ALMS1: variants seen among roughly 807,000 people sequenced by gnomAD.
ALMS1 encodes centrosome-associated protein ALMS1.
A neutral mutation model predicts 352.2 loss-of-function variants in ALMS1; 271 were observed. That is an observed-to-expected ratio of 0.77 (90% CI 0.70 to 0.85). The LOEUF (loss-of-function observed/expected upper bound fraction) is 0.85, where lower values mean the gene tolerates loss of function less well. Ranked by LOEUF, ALMS1 falls within the 40% of genes least tolerant of loss-of-function variation. The probability of loss-of-function intolerance (pLI) is 0.00; values close to 1 mark genes in which losing one functional copy is unlikely to be tolerated. For missense variants in ALMS1, 5,445 were observed against 4,870.7 expected (o/e 1.12, Z -3.51); for synonymous variants, 1,865 against 1,761.2 (o/e 1.06, Z -1.48).
chr2:73,423,152 G>A (rs1360405314), intron 4 of ALMS1, among the ~76,000 whole-genome samples, 178 bp downstream of exon 4: 4 of 152,272 alleles, frequency 2.6e-5, no homozygotes, highest in South Asian at 2.1e-4. Flanking sequence ...GCAGAGTAAC[G>A]TATGTGTAGA....
chr2:73,386,593 T>G (rs2104062404), intron 1 of ALMS1, among the ~76,000 whole-genome samples: 1 of 152,152 alleles, frequency 6.6e-6, no homozygotes, highest in African/African-American at 2.4e-5. Context: ...TTGACTGAAT[T>G]GCAGGACTCC....
At position 73,491,014 on chromosome 2, in the gene ALMS1, G is replaced by A. The variant is rs773897748; in HGVS notation, c.9055G>A (p.Val3019Met). 2.5e-6 allele frequency: 4 copies of A among 1,614,088 alleles called. No individual in the cohort carries two copies. The African/African-American group carries it at 5.3e-5, about 22-fold the overall frequency. ...AAATGTTGAAGCCAAGTTCAATACT[G>A]TGGTCTCCCAGTCAGCCCCAAATCA... ...NINVEAKFNT[V>M]VSQSAPNHCT... Residue 3019 changes from valine to methionine, a missense_variant, in exon 10 of 23, where the codon GTG (valine) becomes ATG (methionine). Transcript: ENST00000613296.
chr2:73,598,134 C>A (rs891533706), intron 16 of ALMS1, among the ~76,000 whole-genome samples: 3 of 152,210 alleles, frequency 2.0e-5, no homozygotes, highest in African/African-American at 7.2e-5. Flanking sequence ...AGTTATGATT[C>A]TATCAACTTG....
rs765075310 is a variant in ALMS1 at position 73,550,438 on chromosome 2, G to T, written c.10078+1G>T. On this transcript the variant is annotated splice_donor_variant, in intron 13 of 22. Transcript: ENST00000613296. LOFTEE classifies it high-confidence loss of function. ...AAACCCTTGCAGAATGAAAATGCAG[G>T]TAACTGGATTGGCTTTGTATACTTT... 3.5e-5 allele frequency: 57 copies of T among 1,613,920 alleles called. No individual in the cohort carries two copies. Among genetic ancestry groups the T allele is most frequent in the Non-Finnish European group, 4.6e-5 (54 of 1,179,966 alleles).
intron 16 of ALMS1, among the ~76,000 whole-genome samples, chr2:73,596,418 A>G (rs1196023822): frequency 6.7e-6 from 1 of 149,574 alleles, no homozygotes; most frequent in Non-Finnish European, 1.5e-5. Flanking sequence ...TTGATCACAT[A>G]TGTAAGGCTT....
chr2:73,490,877 C>A lies in ALMS1; in HGVS notation c.8918C>A (p.Ala2973Glu), dbSNP rs202110907. The A allele has an allele frequency of 1.9e-6, 3 of 1,614,092 alleles. No homozygotes were observed. The change falls in exon 10 of 23, where the codon GCG (alanine) becomes GAG (glutamate). Residue 2973 changes from alanine to glutamate, a missense_variant. Transcript: ENST00000613296. Reference sequence around the variant, plus strand: ...TCTCTTGAACAATGCCAAAGCAAAGCGCCAGGTGTAGATGACCAAATGAAT... The same window carrying A: ...TCTCTTGAACAATGCCAAAGCAAAGAGCCAGGTGTAGATGACCAAATGAAT... The part of the protein sequence containing the change: ...PISLEQCQSK[A>E]PGVDDQMNKH...
At chr2:73,419,362 T>G in intron 3 of ALMS1, 44 bp downstream of exon 3, 3 of 1,590,096 alleles carry the variant, frequency 1.9e-6, no homozygotes, top group Non-Finnish European at 2.6e-6. Context: ...CTCACATTTG[T>G]AAGTTTTGCG....
chr2:73,603,682 A>G lies in ALMS1; in HGVS notation c.12362+378A>G, dbSNP rs150515127. 4.9e-4 allele frequency: 137 copies of G among 277,132 alleles called. 1 individual carries two copies. The East Asian group carries it at 9.7e-3, about 20-fold the overall frequency. The allele number at this position is 277,132 out of a possible 1,614,324, so 17.2% of individuals were successfully genotyped here. A position where few individuals can be genotyped will look rare whatever the true frequency, so the allele number is the denominator to read the frequency against. ...CGAGACCAGCCTGGCCAACATGGTG[A>G]AACTCCATCTCTACTCAAAATACAA... On this transcript the variant is annotated intron_variant, in intron 21 of 22. Coordinates refer to ENST00000613296, the MANE Select transcript of ALMS1 (RefSeq NM_001378454.1).
chr2:73,484,221 C>G (rs2103873996), intron 9 of ALMS1, among the ~76,000 whole-genome samples: 1 of 151,708 alleles, frequency 6.6e-6, no homozygotes, highest in South Asian at 2.1e-4. Flanking sequence ...CTGGTTGTTC[C>G]TTTCCATGTT....
chr2:73,504,678 T>C (rs1673284539), intron 10 of ALMS1, among the ~76,000 whole-genome samples: 1 of 152,192 alleles, frequency 6.6e-6, no homozygotes, highest in Non-Finnish European at 1.5e-5. Context: ...CATTCACCTG[T>C]TGAAGGACAT....
chr2:73,519,023 A>G (rs1316118954), intron 10 of ALMS1, among the ~76,000 whole-genome samples: 2 of 152,160 alleles, frequency 1.3e-5, no homozygotes, highest in Admixed American at 1.3e-4. Flanking sequence ...GGTATTGTCT[A>G]GGTTGCATAT....
chr2:73,455,232 G>T lies in ALMS1; in HGVS notation c.7611G>T (p.Arg2537Ser). 1 of 1,614,040 alleles carries T rather than the reference G, an allele frequency of 6.2e-7. No homozygotes were observed. Among genetic ancestry groups the T allele is most frequent in the South Asian group, 1.1e-5 (1 of 91,062 alleles). The stretch of plus-strand genomic sequence containing the variant: ...TTTCAGAATTAAATGAAGATGACAG[G>T]AGGAAAGTAGAAGAGATCAAGGCAG... Reference protein sequence around the residue: ...YSISELNEDDRRKVEEIKAEL... With the variant: ...YSISELNEDDSRKVEEIKAEL... Residue 2537 changes from arginine (R) to serine (S), a missense_variant, in exon 9 of 23, where the codon AGG becomes AGT. By Grantham distance (110) the Arg-to-Ser change is moderately radical. Transcript: ENST00000613296.
chr2:73,555,789 A>G (rs889433810), intron 13 of ALMS1, among the ~76,000 whole-genome samples: 8 of 152,218 alleles, frequency 5.3e-5, no homozygotes, highest in Non-Finnish European at 1.0e-4. Flanking sequence ...GTATTCGTAT[A>G]TATTAATACA....
intron 11 of ALMS1, among the ~76,000 whole-genome samples, chr2:73,531,896 G>A (rs1020457405): frequency 6.6e-5 from 10 of 152,320 alleles, no homozygotes; most frequent in East Asian, 3.9e-4. Context: ...CCTCACTATC[G>A]TGAGAACAAG....
At chr2:73,568,153 A>G (rs1674841085) in intron 15 of ALMS1, among the ~76,000 whole-genome samples, 1 of 152,192 alleles carries the variant, frequency 6.6e-6, no homozygotes, top group Admixed American at 6.5e-5. Context: ...ACTAAGCCAC[A>G]AATTTTGTTT....
At chr2:73,419,822 G>A (rs2103703271) in intron 3 of ALMS1, among the ~76,000 whole-genome samples, 1 of 152,270 alleles carries the variant, frequency 6.6e-6, no homozygotes, top group Non-Finnish European at 1.5e-5. Flanking sequence ...GTTTAGTATG[G>A]AACTGATTTA....
At chr2:73,414,743 C>T (rs890695739) in intron 2 of ALMS1, among the ~76,000 whole-genome samples, 2 of 151,844 alleles carry the variant, frequency 1.3e-5, no homozygotes, top group Non-Finnish European at 2.9e-5. Context: ...TCTGGCTGTT[C>T]TCTCTCAGTA....
chr2:73,508,881 C>T (rs560727846), intron 10 of ALMS1, among the ~76,000 whole-genome samples: 1 of 152,286 alleles, frequency 6.6e-6, no homozygotes, highest in East Asian at 1.9e-4. Context: ...TCGCTAAGAA[C>T]TTGCTTTATG....
At chr2:73,422,813 C>G (rs746611174) in intron 3 of ALMS1, 44 bp from the exon 4 acceptor site, 1 of 1,472,210 alleles carries the variant, frequency 6.8e-7, no homozygotes, top group Non-Finnish European at 9.5e-7. Flanking sequence ...AGTAAATAAT[C>G]AATTTTCAGC....
Sources: gnomAD v4.1 joint callset for allele counts (sites outside exome capture counted in the v4.1 genomes callset) on GRCh38, gnomAD v4.1.1 for gene constraint, MANE v1.5 for transcripts, NCBI Gene and HGNC (gene_info 2026-07-23, HGNC 2026-07-21) for gene names.